TRPC4: variants seen among roughly 807,000 people sequenced by gnomAD.
TRPC4 encodes the protein short transient receptor potential channel 4.
In TRPC4, 49 loss-of-function variants were observed where a neutral mutation model predicts 99.4. That is an observed-to-expected ratio of 0.49 (90% CI 0.39 to 0.63). The LOEUF (loss-of-function observed/expected upper bound fraction) is 0.63. TRPC4 is among the 20% of genes least tolerant of loss of function. The pLI is 0.00. For synonymous variants in TRPC4, 454 were observed against 425.9 expected, an observed-to-expected ratio of 1.07 and a Z score of -0.81; for missense variants, 898 against 1,152.9, an observed-to-expected ratio of 0.78 and a Z score of 3.20.
chr13:37,856,824 A>G (rs1193941833), intron 1 of TRPC4, among the ~76,000 whole-genome samples: 2 of 151,728 alleles, frequency 1.3e-5, no homozygotes, highest in Non-Finnish European at 3.0e-5. Flanking sequence ...ATTCTGAAAA[A>G]GTATTTAATA....
At chr13:37,756,577 G>A (rs1181258211) in intron 2 of TRPC4, among the ~76,000 whole-genome samples, 2 of 149,464 alleles carry the variant, frequency 1.3e-5, no homozygotes, top group Non-Finnish European at 3.0e-5. Flanking sequence ...CTGTCACCCA[G>A]GTTGGAGTGT....
chr13:37,654,580 G>A (rs1441023691), intron 7 of TRPC4, among the ~76,000 whole-genome samples: 1 of 152,102 alleles, frequency 6.6e-6, no homozygotes. Flanking sequence ...GTATTGTATC[G>A]TGTATTATCC....
At chr13:37,736,442 C>G (rs892551572) in intron 3 of TRPC4, among the ~76,000 whole-genome samples, 10 of 152,036 alleles carry the variant, frequency 6.6e-5, no homozygotes, top group African/African-American at 2.2e-4. Flanking sequence ...TGTAGTCTCA[C>G]GTATGAAAAT....
At chr13:37,655,690 T>C (rs987865879) in intron 6 of TRPC4, among the ~76,000 whole-genome samples, 2 of 152,142 alleles carry the variant, frequency 1.3e-5, no homozygotes, top group African/African-American at 4.8e-5. Flanking sequence ...TAAAATTTTA[T>C]TGAAACACAT....
Position 37,639,055 on chromosome 13 carries a change from G to T in TRPC4, c.2196C>A (p.Thr732=). The T allele has an allele frequency of 6.2e-7, 1 of 1,613,382 alleles. No homozygotes were observed. The highest frequency in any genetic ancestry group is 8.5e-7 in the Non-Finnish European group (1 of 1,179,516). The change falls in exon 10 of 11, where the codon ACC becomes ACA. Residue 732 remains threonine, a synonymous_variant. Transcript: ENST00000379705. The part of the protein sequence containing the change: ...IRDAKTEEGL[T]EENFKELKQD... Reference sequence around the variant, plus strand: ...AAATGGTTACCTTAAAGTTCTCTTCGGTCAGGCCTTCTTCAGTTTTAGCAT... The same window carrying T: ...AAATGGTTACCTTAAAGTTCTCTTCTGTCAGGCCTTCTTCAGTTTTAGCAT...
At chr13:37,714,670 A>G (rs76951967) in intron 3 of TRPC4, among the ~76,000 whole-genome samples, 4 of 152,240 alleles carry the variant, frequency 2.6e-5, no homozygotes, top group Non-Finnish European at 5.9e-5. Context: ...CTCCAGCCAC[A>G]CTGATTTCTG....
At chr13:37,712,650 G>A (rs142592529) in intron 3 of TRPC4, among the ~76,000 whole-genome samples, 109 of 152,188 alleles carry the variant, frequency 7.2e-4, no homozygotes, top group African/African-American at 2.5e-3. Flanking sequence ...TGGGAGAATT[G>A]GTCAGTTTTT....
chr13:37,698,376 T>C (rs981845034), intron 3 of TRPC4, among the ~76,000 whole-genome samples: 3 of 151,340 alleles, frequency 2.0e-5, no homozygotes, highest in African/African-American at 7.3e-5. Context: ...TGAGCCAGGA[T>C]GGTCTCGATC....
intron 5 of TRPC4, among the ~76,000 whole-genome samples, chr13:37,673,334 G>A (rs1313809851): frequency 6.6e-6 from 1 of 151,934 alleles, no homozygotes; most frequent in African/African-American, 2.4e-5. Context: ...ATACCTGAAG[G>A]TTGCCCACAG....
At chr13:37,650,753 A>C (rs1952020153) in intron 8 of TRPC4, among the ~76,000 whole-genome samples, 1 of 152,274 alleles carries the variant, frequency 6.6e-6, no homozygotes, top group South Asian at 2.1e-4. Flanking sequence ...CAGCATATTT[A>C]AGTTATAATA....
intron 1 of TRPC4, among the ~76,000 whole-genome samples, chr13:37,860,227 G>T (rs913612738): frequency 1.1e-4 from 17 of 151,380 alleles, no homozygotes; most frequent in Non-Finnish European, 5.9e-5. Flanking sequence ...AATATATCAA[G>T]TATTTTGTTA....
intron 1 of TRPC4, among the ~76,000 whole-genome samples, chr13:37,856,209 T>A (rs1417022214): frequency 2.6e-5 from 4 of 151,614 alleles, no homozygotes; most frequent in East Asian, 3.9e-4. Flanking sequence ...ATTGCAGAAA[T>A]CCCAAGGATC....
intron 2 of TRPC4, among the ~76,000 whole-genome samples, chr13:37,765,681 A>G (rs936434206): frequency 6.6e-6 from 1 of 151,540 alleles, no homozygotes; most frequent in East Asian, 2.0e-4. Context: ...TTCACTAAAC[A>G]TTGCTAAATT....
chr13:37,849,590 AC>A (rs1959003083), intron 1 of TRPC4, among the ~76,000 whole-genome samples: 1 of 152,210 alleles, frequency 6.6e-6, no homozygotes, highest in Non-Finnish European at 1.5e-5. Flanking sequence ...TAACTTCTGA[AC>A]AAACCTAAAT....
chr13:37,749,064 G>A (rs549918595), intron 2 of TRPC4, among the ~76,000 whole-genome samples: 1 of 152,096 alleles, frequency 6.6e-6, no homozygotes. Context: ...TCTTGTAATA[G>A]AGAGTTCTCA....
chr13:37,838,375 T>A (rs1958629223), intron 1 of TRPC4, among the ~76,000 whole-genome samples: 1 of 152,212 alleles, frequency 6.6e-6, no homozygotes, highest in Non-Finnish European at 1.5e-5. Context: ...AGCAATCTGA[T>A]GAACTCTAGT....
chr13:37,839,421 G>GACA, intron 1 of TRPC4, among the ~76,000 whole-genome samples: 1 of 152,070 alleles, frequency 6.6e-6, no homozygotes, highest in Non-Finnish European at 1.5e-5. Flanking sequence ...CACATCCAGG[G>GACA]TTAATCTATG....
intron 1 of TRPC4, among the ~76,000 whole-genome samples, chr13:37,844,797 G>C (rs1003608848): frequency 2.0e-5 from 3 of 152,138 alleles, no homozygotes; most frequent in Non-Finnish European, 2.9e-5. Flanking sequence ...CTCACATTAA[G>C]CCAGCAGGCA....
intron 2 of TRPC4, among the ~76,000 whole-genome samples, chr13:37,756,258 A>AGATGAATG (rs149938072): frequency 0.3 from 46,136 of 151,458 alleles, 8,186 homozygotes; most frequent in East Asian, 0.75. Context: ...AGAAATCTAT[A>AGATGAATG]GATGAATGGA....
Sources: gnomAD v4.1 joint callset for allele counts (sites outside exome capture counted in the v4.1 genomes callset) on GRCh38, gnomAD v4.1.1 for gene constraint, MANE v1.5 for transcripts, NCBI Gene and HGNC (gene_info 2026-07-23, HGNC 2026-07-21) for gene names.